The following PLCB4 variants were observed in gnomAD, a reference collection of about 807,000 sequenced individuals.
PLCB4 encodes the protein phospholipase C beta 4.
PLCB4 carries 77 observed loss-of-function variants against 178.8 expected under a neutral mutation model. The observed-to-expected ratio is 0.43, with a 90% confidence interval of 0.36 to 0.52. The LOEUF is 0.52. PLCB4 is among the 20% of genes least tolerant of loss of function. PLCB4 has a pLI of 0.00. For missense variants in PLCB4, 1,024 were observed against 1,453.4 expected (o/e 0.70, Z 4.80); for synonymous variants, 496 against 490.8 (o/e 1.01, Z -0.14).
Position 9,172,112 on chromosome 20 carries a change from C to T in PLCB4, c.-78-45278C>T, listed in dbSNP as rs539283054. On this transcript the variant is annotated intron_variant, in intron 2 of 39. Coordinates refer to ENST00000378473, the MANE Select transcript of PLCB4 (RefSeq NM_001377142.1). ...ATAATGTTTGGCACTTTAATAATTC[C>T]TTTCATCTGCAAAGAGCAAATTGTT... Among the ~76,000 whole-genome samples, 12 of 152,246 alleles carry T rather than the reference C, an allele frequency of 7.9e-5. No homozygotes were observed. In the East Asian group the frequency reaches 1.5e-3, roughly 20 times the overall value.
chr20:9,285,428 A>G (rs2094528711), intron 3 of PLCB4, among the ~76,000 whole-genome samples: 1 of 151,976 alleles, frequency 6.6e-6, no homozygotes, highest in South Asian at 2.1e-4. Context: ...TTACTAAATA[A>G]AGCCTGACTT....
chr20:9,272,461 C>CTAA (rs2094413185), intron 3 of PLCB4, among the ~76,000 whole-genome samples: 1 of 152,018 alleles, frequency 6.6e-6, no homozygotes, highest in Admixed American at 6.6e-5. Flanking sequence ...ATAGTTAATA[C>CTAA]CATAGCTGCA....
At chr20:9,121,037 C>T (rs552233409) in intron 2 of PLCB4, among the ~76,000 whole-genome samples, 1 of 152,272 alleles carries the variant, frequency 6.6e-6, no homozygotes, top group East Asian at 1.9e-4. Context: ...ATGATCTACC[C>T]GTCTTGACCA....
intron 3 of PLCB4, among the ~76,000 whole-genome samples, chr20:9,285,163 TATAATAAATGTAAACAA>T (rs2094526624): frequency 6.6e-6 from 1 of 151,792 alleles, no homozygotes; most frequent in South Asian, 2.1e-4. Context: ...AGTAACATAT[TATAATAAATGTAAACAA>T]TTTAGAAATT....
intron 2 of PLCB4, among the ~76,000 whole-genome samples, chr20:9,177,425 G>A (rs1355001626): frequency 1.3e-5 from 2 of 152,182 alleles, no homozygotes; most frequent in Non-Finnish European, 2.9e-5. Flanking sequence ...GGACTGGACT[G>A]AGACAGGGCC....
At chr20:9,161,812 T>G (rs1179892600) in intron 2 of PLCB4, among the ~76,000 whole-genome samples, 1 of 152,076 alleles carries the variant, frequency 6.6e-6, no homozygotes, top group African/African-American at 2.4e-5. Context: ...CTTTTTAGAT[T>G]CTACAAAAAA....
intron 17 of PLCB4, among the ~76,000 whole-genome samples, chr20:9,392,111 G>T (rs1358196178): frequency 6.6e-6 from 1 of 152,216 alleles, no homozygotes; most frequent in Non-Finnish European, 1.5e-5. Flanking sequence ...TAAGGTGATT[G>T]CTTTTGTGGA....
chr20:9,228,610 G>A (rs2093895348), intron 3 of PLCB4, among the ~76,000 whole-genome samples: 1 of 152,120 alleles, frequency 6.6e-6, no homozygotes, highest in African/African-American at 2.4e-5. Flanking sequence ...GGAGACACAT[G>A]TATTTTTCAG....
chr20:9,434,483 C>T (rs2041635441), intron 28 of PLCB4, among the ~76,000 whole-genome samples: 1 of 152,172 alleles, frequency 6.6e-6, no homozygotes, highest in South Asian at 2.1e-4. Flanking sequence ...TCAAGTGACT[C>T]TCCTGCCTCA....
At chr20:9,159,182 T>C (rs932109519) in intron 2 of PLCB4, among the ~76,000 whole-genome samples, 8 of 152,142 alleles carry the variant, frequency 5.3e-5, no homozygotes, top group Admixed American at 2.0e-4. Context: ...ATCCAAGTTA[T>C]TATCTAAGAA....
At chr20:9,395,486 C>A in intron 18 of PLCB4, 37 bp from the exon 19 acceptor site, 1 of 1,382,740 alleles carries the variant, frequency 7.2e-7, no homozygotes, top group Non-Finnish European at 1.0e-6. Context: ...TGTTACCTAG[C>A]ATCTGTCACC....
At chr20:9,210,291 G>C (rs2093659854) in intron 2 of PLCB4, among the ~76,000 whole-genome samples, 1 of 152,170 alleles carries the variant, frequency 6.6e-6, no homozygotes, top group Admixed American at 6.5e-5. Context: ...TCTGGGCAGA[G>C]TTTAGATGCT....
At chr20:9,109,125 A>G (rs1286765618) in intron 2 of PLCB4, among the ~76,000 whole-genome samples, 1 of 152,178 alleles carries the variant, frequency 6.6e-6, no homozygotes, top group Non-Finnish European at 1.5e-5. Context: ...TGATACTTAA[A>G]CAATATAGCA....
intron 7 of PLCB4, among the ~76,000 whole-genome samples, chr20:9,340,479 G>A (rs13039238): frequency 0.067 from 10,135 of 152,244 alleles, 363 homozygotes; most frequent in Middle Eastern, 0.095. Context: ...GGAGGCAGAA[G>A]TGGATGCTCG....
chr20:9,315,299 C>A (rs2094886606), intron 4 of PLCB4, among the ~76,000 whole-genome samples: 1 of 152,166 alleles, frequency 6.6e-6, no homozygotes, highest in Non-Finnish European at 1.5e-5. Context: ...ACAGTTGGCC[C>A]TTTAACAATT....
chr20:9,419,906 G>A lies in PLCB4; in HGVS notation c.2151G>A (p.Val717=). ...VDGVIAATCS[V]QVISGQFLSD... is the part of the protein sequence containing the mutation. The stretch of plus-strand genomic sequence containing the variant: ...GTGTTATTGCAGCCACTTGCTCAGT[G>A]CAGGTAAGGCCCCTGCTCATCACAA... Residue 717 remains valine (V), a synonymous_variant, in exon 26 of 40, where the codon GTG becomes GTA. Coordinates refer to ENST00000378473, the MANE Select transcript of PLCB4 (RefSeq NM_001377142.1). 6.3e-7 allele frequency: 1 copy of A among 1,595,138 alleles called. No individual in the cohort carries two copies. Among genetic ancestry groups the A allele is most frequent in the Non-Finnish European group, 8.6e-7 (1 of 1,162,684 alleles).
chr20:9,419,060 G>A (rs1445622183), intron 25 of PLCB4, among the ~76,000 whole-genome samples: 2 of 151,710 alleles, frequency 1.3e-5, no homozygotes, highest in Admixed American at 1.3e-4. Context: ...TTTTTTAGTG[G>A]ATTCCTTAGA....
At chr20:9,297,823 T>C (rs1262916378) in intron 3 of PLCB4, among the ~76,000 whole-genome samples, 3 of 152,118 alleles carry the variant, frequency 2.0e-5, no homozygotes, top group African/African-American at 7.2e-5. Context: ...GCATAGGAAC[T>C]CAGATGTCAT....
At chr20:9,349,254 C>A (rs1230332069) in intron 7 of PLCB4, among the ~76,000 whole-genome samples, 2 of 152,096 alleles carry the variant, frequency 1.3e-5, no homozygotes, top group Non-Finnish European at 2.9e-5. Context: ...ATTTTCATCA[C>A]CCTCAAAGGA....
Sources: gnomAD v4.1 joint callset for allele counts (sites outside exome capture counted in the v4.1 genomes callset) on GRCh38, gnomAD v4.1.1 for gene constraint, MANE v1.5 for transcripts, NCBI Gene and HGNC (gene_info 2026-07-23, HGNC 2026-07-21) for gene names.